The following ABTB2 variants were observed in gnomAD, a reference collection of about 807,000 sequenced individuals.
ABTB2 encodes ankyrin repeat and BTB/POZ domain-containing protein 2.
ABTB2 carries 56 observed loss-of-function variants against 104.1 expected under a neutral mutation model. The observed-to-expected ratio is 0.54, with a 90% confidence interval of 0.43 to 0.67. The LOEUF (loss-of-function observed/expected upper bound fraction) is 0.67, where lower values mean the gene tolerates loss of function less well. ABTB2 is among the 30% of genes least tolerant of loss of function. The pLI, the probability that ABTB2 is intolerant of heterozygous loss-of-function variation, is 0.00. For missense variants in ABTB2, 1,279 were observed against 1,407.7 expected, an observed-to-expected ratio of 0.91 and a Z score of 1.46; for synonymous variants, 606 against 608.2, an observed-to-expected ratio of 1.00 and a Z score of 0.05.
At chr11:34,232,950 ACT>A (rs1409043171) in intron 1 of ABTB2, among the ~76,000 whole-genome samples, 3 of 151,356 alleles carry the variant, frequency 2.0e-5, no homozygotes, top group South Asian at 4.2e-4. Flanking sequence ...ACAGAAGGAG[ACT>A]CTGTCTCAAA....
At position 34,181,353 on chromosome 11, in the gene ABTB2, C is replaced by T. The variant is rs1469893674; in HGVS notation, c.1245-8046G>A. 2.0e-5 allele frequency among the ~76,000 whole-genome samples: 3 copies of T among 152,270 alleles called. No individual in the cohort carries two copies. In the East Asian group the frequency reaches 5.8e-4, roughly 29 times the overall value. ...GTCTTAACAACATGGAACAGGAAAC[C>T]CCTCCAGTTTCCAGCTCAAAGCAGG... On this transcript the variant is annotated intron_variant, in intron 3 of 16. Transcript: ENST00000435224.
At chr11:34,244,971 G>A (rs1853968145) in intron 1 of ABTB2, among the ~76,000 whole-genome samples, 2 of 152,084 alleles carry the variant, frequency 1.3e-5, no homozygotes, top group Non-Finnish European at 2.9e-5. Flanking sequence ...TCACGCCAGT[G>A]CACTCCAGTC....
At chr11:34,303,575 G>GAAA (rs34186301) in intron 1 of ABTB2, among the ~76,000 whole-genome samples, 25 of 147,370 alleles carry the variant, frequency 1.7e-4, no homozygotes, top group East Asian at 1.0e-3. Flanking sequence ...TAACTTAAAT[G>GAAA]AAAAAAAATA....
At chr11:34,168,944 T>G (rs1374071855) in intron 5 of ABTB2, among the ~76,000 whole-genome samples, 1 of 152,242 alleles carries the variant, frequency 6.6e-6, no homozygotes, top group Admixed American at 6.5e-5. Flanking sequence ...TTAGGATATT[T>G]GTGTGTAGAC....
At chr11:34,156,814 G>A (rs939550812) in intron 14 of ABTB2, among the ~76,000 whole-genome samples, 2 of 152,260 alleles carry the variant, frequency 1.3e-5, no homozygotes, top group East Asian at 1.9e-4. Flanking sequence ...GTGAGCCACC[G>A]TGCCCGGCTG....
At chr11:34,201,124 G>T (rs923617713) in intron 2 of ABTB2, among the ~76,000 whole-genome samples, 6 of 152,168 alleles carry the variant, frequency 3.9e-5, no homozygotes, top group African/African-American at 1.2e-4. Flanking sequence ...GTTTGAGAAG[G>T]CCTGATGCAG....
intron 1 of ABTB2, chr11:34,336,107 A>G (rs1855190784): frequency 3.5e-6 from 1 of 284,378 alleles, no homozygotes; most frequent in African/African-American, 2.2e-5. Context: ...CCTGCCATCC[A>G]ATATTTGTTT....
At chr11:34,212,561 A>G (rs185228127) in intron 1 of ABTB2, among the ~76,000 whole-genome samples, 1 of 152,322 alleles carries the variant, frequency 6.6e-6, no homozygotes, top group Non-Finnish European at 1.5e-5. Context: ...GTCCACAGCT[A>G]GAAAATGGCA....
At chr11:34,201,441 AT>A (rs1471611170) in intron 2 of ABTB2, among the ~76,000 whole-genome samples, 2 of 152,180 alleles carry the variant, frequency 1.3e-5, no homozygotes, top group Non-Finnish European at 2.9e-5. Context: ...GTTTTGTTTT[AT>A]TTTGTATTCT....
At chr11:34,306,981 T>TTA (rs1371233776) in intron 1 of ABTB2, among the ~76,000 whole-genome samples, 1 of 73,834 alleles carries the variant, frequency 1.4e-5, no homozygotes, top group African/African-American at 1.2e-4. Flanking sequence ...GTCAGGAAAC[T>TTA]TAAAAAAAAA....
chr11:34,300,015 T>A (rs1854680577), intron 1 of ABTB2, among the ~76,000 whole-genome samples: 2 of 151,826 alleles, frequency 1.3e-5, no homozygotes, highest in Admixed American at 6.6e-5. Flanking sequence ...TGGCACAGAG[T>A]CAGAGCTCTC....
intron 1 of ABTB2, among the ~76,000 whole-genome samples, chr11:34,272,717 A>AAAAACAAAAC (rs1565156063): frequency 6.7e-6 from 1 of 149,138 alleles, no homozygotes; most frequent in African/African-American, 2.5e-5. Flanking sequence ...AAAAAAAAAA[A>AAAAACAAAAC]AAAAAAAAAA....
chr11:34,234,714 G>GCCTATTGC (rs1382124850), intron 1 of ABTB2, among the ~76,000 whole-genome samples: 4 of 152,092 alleles, frequency 2.6e-5, no homozygotes, highest in Non-Finnish European at 5.9e-5. Context: ...GTAACTAATT[G>GCCTATTGC]CCTATTGCGA....
intron 1 of ABTB2, chr11:34,335,406 A>G (rs1855181862): frequency 2.5e-6 from 2 of 806,428 alleles, no homozygotes; most frequent in Admixed American, 3.6e-5. Context: ...CTTTTCTAAG[A>G]GCACTTCTCT....
chr11:34,191,784 T>A (rs563456994), intron 3 of ABTB2, among the ~76,000 whole-genome samples: 2 of 152,290 alleles, frequency 1.3e-5, no homozygotes, highest in African/African-American at 4.8e-5. Context: ...GCCCTGTGTG[T>A]CTTGGCCAAC....
chr11:34,327,145 A>G (rs1855078975), intron 1 of ABTB2, among the ~76,000 whole-genome samples: 1 of 152,220 alleles, frequency 6.6e-6, no homozygotes, highest in African/African-American at 2.4e-5. Context: ...ACAACAAAAC[A>G]TGACTATTTG....
intron 3 of ABTB2, among the ~76,000 whole-genome samples, chr11:34,188,846 G>T (rs1363233051): frequency 6.6e-6 from 1 of 152,184 alleles, no homozygotes; most frequent in Non-Finnish European, 1.5e-5. Context: ...GTAAAGTGCT[G>T]TCTGAGGGAA....
rs565405660 is a variant in ABTB2, at chr11:34,281,159, C to T, written c.883+75542G>A. On this transcript the variant is annotated intron_variant, in intron 1 of 16. Transcript: ENST00000435224. ...GAACACCCAGCGTGGTCCCTCCTGG[C>T]CCAGGAACATGCACCCCCATCCAGT... Among the ~76,000 whole-genome samples the T allele has an allele frequency of 4.6e-4, 70 of 152,250 alleles. 1 individual carries two copies. The South Asian group carries it at 0.015, about 32-fold the overall frequency.
chr11:34,266,145 C>T (rs1014640743), intron 1 of ABTB2, among the ~76,000 whole-genome samples: 8 of 152,138 alleles, frequency 5.3e-5, no homozygotes, highest in Non-Finnish European at 1.2e-4. Flanking sequence ...TGCAGTGGTG[C>T]GATCATAGCT....
Sources: allele counts gnomAD v4.1 joint callset (sites outside exome capture counted in the v4.1 genomes callset), GRCh38; gene constraint gnomAD v4.1.1; transcripts MANE v1.5; gene names NCBI Gene and HGNC (gene_info 2026-07-23, HGNC 2026-07-21).